IARS2: variants seen among roughly 807,000 people sequenced by gnomAD.
IARS2 encodes isoleucine--tRNA ligase, mitochondrial.
Under a neutral mutation model 126.3 loss-of-function variants are expected in IARS2, and 56 were observed. The ratio of observed to expected loss-of-function variants is 0.44; its 90% CI spans 0.36 to 0.55. The LOEUF is 0.55. Ranked by LOEUF, IARS2 falls within the 20% of genes least tolerant of loss-of-function variation. IARS2 has a pLI of 0.00. For missense variants in IARS2, 1,127 were observed against 1,245.9 expected, an observed-to-expected ratio of 0.90 and a Z score of 1.44; for synonymous variants, 407 against 441.1, an observed-to-expected ratio of 0.92 and a Z score of 0.97.
rs986921134 is a variant in IARS2 at position 220,137,761 on chromosome 1, A to G, written c.2050-157A>G. The G allele has an allele frequency of 6.8e-6, 5 of 736,220 alleles. No individual in the cohort carries two copies. The African/African-American group carries it at 8.9e-5, about 13-fold the overall frequency. The allele number at this position is 736,220 out of a possible 1,614,324, so 45.6% of individuals were successfully genotyped here. A position where few individuals can be genotyped will look rare whatever the true frequency, so the allele number is the denominator to read the frequency against. ...CAGTTTTGTTTTTAGATACAGTCTA[A>G]TTTGAGATTGTTAGCCCGCATTTCA... is the stretch of plus-strand genomic sequence containing the variant. On this transcript the variant is annotated intron_variant, in intron 16 of 22. Transcript: ENST00000366922.
At position 220,145,601 on chromosome 1, in the gene IARS2, G is replaced by C. The variant is rs1440728760; in HGVS notation, c.2844G>C (p.Glu948Asp). 8.1e-6 allele frequency: 13 copies of C among 1,613,626 alleles called. No homozygotes were observed. Among genetic ancestry groups the C allele is most frequent in the Non-Finnish European group, 1.0e-5 (12 of 1,179,786 alleles). ...CTTTACTGGCTCAGGAACCACGAGAGATGACTGCAGATGTAATCGAGCTTA... is the reference window on the plus strand; with the variant it reads ...CTTTACTGGCTCAGGAACCACGAGACATGACTGCAGATGTAATCGAGCTTA... ...ESTLLAQEPREMTADVIELKG... is the reference protein window; with the variant it reads ...ESTLLAQEPRDMTADVIELKG... The change falls in exon 22 of 23, where the codon GAG (glutamate) becomes GAC (aspartate). Residue 948 changes from glutamate (E) to aspartate (D), a missense_variant. Glu to Asp is a conservative substitution (Grantham distance 45). Coordinates refer to ENST00000366922, the MANE Select transcript of IARS2 (RefSeq NM_018060.4).
Position 220,096,122 on chromosome 1 carries a change from C to A in IARS2, c.286C>A (p.Leu96Ile). Residue 96 changes from leucine (L) to isoleucine (I), a missense_variant, in exon 2 of 23, where the codon CTT becomes ATT. Coordinates refer to ENST00000366922, the MANE Select transcript of IARS2 (RefSeq NM_018060.4). ...AAAACAGAAATGTGGATTTTCAGAA[C>A]TTTATTCATGGCAAAGAGAAAGAAA... ...EIQQKCGFSE[L>I]YSWQRERKVK... The A allele has an allele frequency of 3.4e-6, 5 of 1,473,412 alleles. No individual in the cohort carries two copies. Among genetic ancestry groups the A allele is most frequent in the Non-Finnish European group, 4.7e-6 (5 of 1,064,962 alleles). 91.3% of individuals were successfully genotyped at this position (1,473,412 alleles called of 1,614,324 possible). A position where few individuals can be genotyped will look rare whatever the true frequency, so the allele number is the denominator to read the frequency against.
At position 220,100,566 on chromosome 1, in the gene IARS2, A is replaced by G. The variant is rs1656550229; in HGVS notation, c.467A>G (p.His156Arg). Residue 156 changes from histidine to arginine, a missense_variant, in exon 3 of 23, where the codon CAT becomes CGT. Coordinates refer to ENST00000366922, the MANE Select transcript of IARS2 (RefSeq NM_018060.4). ...CATTTTGTGCCCGGCTGGGATTGTC[A>G]TGGGTTGCCCATTGAAATAAAAGTA... ...KIHFVPGWDC[H>R]GLPIEIKVLS... 1 of 1,613,462 alleles carries G rather than the reference A, an allele frequency of 6.2e-7. No individual in the cohort carries two copies. The highest frequency in any genetic ancestry group is 8.5e-7 in the Non-Finnish European group (1 of 1,179,560).
chr1:220,095,336 G>T (rs1209418938), intron 1 of IARS2, among the ~76,000 whole-genome samples: 1 of 152,192 alleles, frequency 6.6e-6, no homozygotes, highest in African/African-American at 2.4e-5. Context: ...ACTACGCCCA[G>T]CCTAGTCTGA....
At chr1:220,116,729 T>C (rs1656920410) in intron 12 of IARS2, among the ~76,000 whole-genome samples, 1 of 152,096 alleles carries the variant, frequency 6.6e-6, no homozygotes, top group Non-Finnish European at 1.5e-5. Flanking sequence ...AGAATTAATG[T>C]AAATTCTGTC....
intron 1 of IARS2, 131 bp from the exon 2 acceptor site, chr1:220,095,973 G>C: frequency 1.7e-6 from 1 of 579,284 alleles, no homozygotes; most frequent in African/African-American, 1.9e-5. Flanking sequence ...TTTCAGAGTT[G>C]AGTAGATTGG....
Position 220,134,510 on chromosome 1 carries a change from A to G in IARS2, c.1946A>G (p.Lys649Arg). 1.9e-6 allele frequency: 3 copies of G among 1,605,546 alleles called. No individual in the cohort carries two copies. Among genetic ancestry groups the G allele is most frequent in the Non-Finnish European group, 2.6e-6 (3 of 1,174,120 alleles). Residue 649 changes from lysine (K) to arginine (R), a missense_variant and splice_region_variant, in exon 15 of 23, where the codon AAG becomes AGG. By Grantham distance (26) the Lys-to-Arg change is conservative. Coordinates refer to ENST00000366922, the MANE Select transcript of IARS2 (RefSeq NM_018060.4). ...SVAARKRAPY[K>R]TVIVHGFTLG... Reference sequence around the variant, plus strand: ...GCAGCAAGGAAGAGAGCACCTTATAAGTAAGTATTTATGCCTGAACCAACC... The same window carrying G: ...GCAGCAAGGAAGAGAGCACCTTATAGGTAAGTATTTATGCCTGAACCAACC...
Position 220,141,821 on chromosome 1 carries a change from A to G in IARS2, c.2433A>G (p.Glu811=), listed in dbSNP as rs767387546. ...TGTTCAGGCTCTATTGTGAAAAGGA[A>G]AATGACCCCAAACGACGCTCTTGTC... The part of the protein sequence containing the change: ...IIKDRLYCEK[E]NDPKRRSCQT... Residue 811 remains glutamate, a synonymous_variant, in exon 20 of 23, where the codon GAA becomes GAG. Transcript: ENST00000366922. 2.0e-5 allele frequency: 33 copies of G among 1,613,644 alleles called. No homozygotes were observed. The highest frequency in any genetic ancestry group is 2.7e-5 in the Non-Finnish European group (32 of 1,179,932).
At chr1:220,126,874 A>C (rs1377515768) in intron 14 of IARS2, 31 bp downstream of exon 14, 1 of 1,487,948 alleles carries the variant, frequency 6.7e-7, no homozygotes, top group Non-Finnish European at 9.2e-7. Context: ...TATGCCGATC[A>C]AGAAGTTTTG....
rs1480483349 is a variant in IARS2, at chr1:220,114,482, G to A, written c.1640+8G>A. ...TGAATACTTGATCAACAGGTAGAATGCTTTCTAAAATTTTTTAGTGTTTTA... is the reference window on the plus strand; with the variant it reads ...TGAATACTTGATCAACAGGTAGAATACTTTCTAAAATTTTTTAGTGTTTTA... On this transcript the variant is annotated splice_region_variant and intron_variant, in intron 12 of 22. Transcript: ENST00000366922. The A allele has an allele frequency of 2.5e-6, 4 of 1,586,780 alleles. No individual in the cohort carries two copies. The highest frequency in any genetic ancestry group is 3.4e-6 in the Non-Finnish European group (4 of 1,171,192).
At chr1:220,131,362 T>G (rs1035904091) in intron 14 of IARS2, among the ~76,000 whole-genome samples, 2 of 151,716 alleles carry the variant, frequency 1.3e-5, no homozygotes, top group Non-Finnish European at 2.9e-5. Flanking sequence ...AATTAATTAA[T>G]TTTTTTGAGA....
At position 220,102,297 on chromosome 1, in the gene IARS2, CTT is replaced by C. The variant is rs749790428; in HGVS notation, c.699+22_699+23del. 1.9e-6 allele frequency: 3 copies of C among 1,602,074 alleles called. No homozygotes were observed. On this transcript the variant is annotated intron_variant, in intron 4 of 22. Coordinates refer to ENST00000366922, the MANE Select transcript of IARS2 (RefSeq NM_018060.4). The stretch of plus-strand genomic sequence containing the variant: ...GATAAGGTAAAGAAGTATTTTTTCT[CTT>C]TGAGTAGGTTTTAGTATGCGTTACA...
chr1:220,147,772 A>G lies in IARS2; in HGVS notation c.*137A>G, dbSNP rs999084701. ...TAAATGGTGGAGGATGGGAGTCAAA[A>G]TCAGAATTATAGAAGAAGTATTTCC... On this transcript the variant is annotated 3_prime_UTR_variant, in exon 23 of 23. Transcript: ENST00000366922. The G allele has an allele frequency of 2.7e-6, 2 of 750,822 alleles. No individual in the cohort carries two copies. Among genetic ancestry groups the G allele is most frequent in the Admixed American group, 5.7e-5 (2 of 35,198 alleles). The allele number at this position is 750,822 out of a possible 1,614,324, so 46.5% of individuals were successfully genotyped here. A position where few individuals can be genotyped will look rare whatever the true frequency, so the allele number is the denominator to read the frequency against.
At chr1:220,115,292 G>T (rs1172459209) in intron 12 of IARS2, among the ~76,000 whole-genome samples, 2 of 152,162 alleles carry the variant, frequency 1.3e-5, no homozygotes, top group Non-Finnish European at 2.9e-5. Flanking sequence ...GCCAGGTGCG[G>T]TGGCTCACGC....
chr1:220,131,642 C>G (rs895318717), intron 14 of IARS2, among the ~76,000 whole-genome samples: 5 of 151,608 alleles, frequency 3.3e-5, no homozygotes, highest in South Asian at 2.1e-4. Context: ...GTGAGCCACT[C>G]TGCCCAGCAA....
chr1:220,135,604 C>T (rs144639839), intron 15 of IARS2, among the ~76,000 whole-genome samples: 2 of 152,212 alleles, frequency 1.3e-5, no homozygotes, highest in Admixed American at 1.3e-4. Flanking sequence ...AAGGGATTCA[C>T]CCTCCTGAGC....
chr1:220,102,512 C>T lies in IARS2; in HGVS notation c.767C>T (p.Ala256Val), dbSNP rs751095095. The part of the protein sequence containing the change: ...SPSSRTALAE[A>V]ELEYNPEHVS... ...ACCCTTAGGACTGCATTGGCTGAAGCAGAACTTGAATATAATCCTGAGCAT... is the reference window on the plus strand; with the variant it reads ...ACCCTTAGGACTGCATTGGCTGAAGTAGAACTTGAATATAATCCTGAGCAT... The change falls in exon 6 of 23, where the codon GCA becomes GTA. Residue 256 changes from alanine to valine, a missense_variant. By Grantham distance (64) the Ala-to-Val change is moderately conservative. Transcript: ENST00000366922. 4 of 1,613,698 alleles carry T rather than the reference C, an allele frequency of 2.5e-6. No homozygotes were observed. Among genetic ancestry groups the T allele is most frequent in the Non-Finnish European group, 3.4e-6 (4 of 1,179,758 alleles).
rs760044709 is a variant in IARS2 at position 220,107,050 on chromosome 1, A to G, written c.1237-11A>G. ...CTTGATATTTTAATTGTTCAAAATG[A>G]TACTTTATAGGATTGTCTAGTGGAC... is the stretch of plus-strand genomic sequence containing the variant. On this transcript the variant is annotated splice_polypyrimidine_tract_variant and intron_variant, in intron 9 of 22. Transcript: ENST00000366922. The G allele has an allele frequency of 4.5e-6, 7 of 1,550,542 alleles. No individual in the cohort carries two copies. The highest frequency in any genetic ancestry group is 4.5e-6 in the Non-Finnish European group (5 of 1,122,416).
intron 19 of IARS2, among the ~76,000 whole-genome samples, chr1:220,140,983 C>CA (rs555848103): frequency 0.094 from 6,469 of 68,870 alleles, 290 homozygotes; most frequent in East Asian, 0.29. Context: ...GACTCCGTCT[C>CA]AAAAAAAAAA....
Sources: gnomAD v4.1 joint callset for allele counts (sites outside exome capture counted in the v4.1 genomes callset) on GRCh38, gnomAD v4.1.1 for gene constraint, MANE v1.5 for transcripts, NCBI Gene and HGNC (gene_info 2026-07-23, HGNC 2026-07-21) for gene names.